The following MAST4 variants were observed in gnomAD, a reference collection of about 807,000 sequenced individuals.
MAST4 encodes the protein microtubule associated serine/threonine kinase family member 4.
MAST4 carries 89 observed loss-of-function variants against 162.7 expected under a neutral mutation model. The ratio of observed to expected loss-of-function variants is 0.55; its 90% CI spans 0.46 to 0.65. The LOEUF (loss-of-function observed/expected upper bound fraction) is 0.65, where lower values mean the gene tolerates loss of function less well. Among genes scored for constraint, MAST4 ranks in the 30% least tolerant of loss-of-function variants. The probability of loss-of-function intolerance (pLI) is 0.00; values close to 1 mark genes in which losing one functional copy is unlikely to be tolerated. For missense variants in MAST4, 3,153 were observed against 3,374.0 expected (o/e 0.93, Z 1.62); for synonymous variants, 1,479 against 1,361.1 (o/e 1.09, Z -1.91).
At chr5:67,140,829 C>T (rs141478797) in intron 19 of MAST4, among the ~76,000 whole-genome samples, 2 of 152,304 alleles carry the variant, frequency 1.3e-5, no homozygotes, top group Middle Eastern at 3.4e-3. Context: ...AGTCAGACTT[C>T]AGTATTTTGC....
chr5:66,860,552 A>G (rs956634298), intron 3 of MAST4, among the ~76,000 whole-genome samples: 1 of 151,970 alleles, frequency 6.6e-6, no homozygotes, highest in Non-Finnish European at 1.5e-5. Flanking sequence ...TGTTTCTTTA[A>G]CTATCTTTCA....
chr5:66,637,005 A>G (rs571175343), intron 1 of MAST4, among the ~76,000 whole-genome samples: 13 of 152,372 alleles, frequency 8.5e-5, no homozygotes, highest in Non-Finnish European at 1.5e-5. Flanking sequence ...AATGACCTGG[A>G]GATAATGCCA....
chr5:66,658,133 A>G (rs1746670636), intron 1 of MAST4, among the ~76,000 whole-genome samples: 1 of 152,226 alleles, frequency 6.6e-6, no homozygotes, highest in Non-Finnish European at 1.5e-5. Flanking sequence ...ATTAAGTGGA[A>G]TATATCCAGC....
In MAST4 at chr5:67,034,608, G is replaced by A. The variant is rs552884551; in HGVS notation, c.675-19796G>A. ...GACTGCGAGCTTTAAGCTTTAACCA[G>A]TGACAGTGTGACTCTAGTTAGATTT... On this transcript the variant is annotated intron_variant, in intron 4 of 28. Transcript: ENST00000403625. 3.9e-5 allele frequency among the ~76,000 whole-genome samples: 6 copies of A among 152,304 alleles called. No individual in the cohort carries two copies. In the East Asian group the frequency reaches 9.6e-4, roughly 24 times the overall value.
chr5:67,125,602 A>C (rs1387124629), intron 14 of MAST4, among the ~76,000 whole-genome samples: 1 of 152,322 alleles, frequency 6.6e-6, no homozygotes, highest in Non-Finnish European at 1.5e-5. Context: ...ATATGGCTAC[A>C]TAGTATTCCA....
intron 3 of MAST4, among the ~76,000 whole-genome samples, chr5:66,887,108 T>G (rs572956545): frequency 6.6e-6 from 1 of 152,358 alleles, no homozygotes; most frequent in South Asian, 2.1e-4. Context: ...AAATATTTTG[T>G]GCTAATTAAC....
intron 3 of MAST4, among the ~76,000 whole-genome samples, chr5:66,820,931 G>A (rs891160952): frequency 6.6e-5 from 10 of 152,156 alleles, no homozygotes; most frequent in South Asian, 4.1e-4. Context: ...TAGCTTTCTT[G>A]TGAAAAGCCT....
rs375883484 is a variant in MAST4, at chr5:66,707,073, A to G, written c.364-52636A>G. On this transcript the variant is annotated intron_variant, in intron 1 of 28. Coordinates refer to ENST00000403625, the MANE Select transcript of MAST4 (RefSeq NM_001164664.2). ...TGTGGGGCTCTGTCTTCTGTCCCTT[A>G]ACCTGCTTTCCTGCAGAGAGGCCCT... 2.8e-3 allele frequency among the ~76,000 whole-genome samples: 433 copies of G among 152,204 alleles called. 2 individuals carry two copies. Among genetic ancestry groups the G allele is most frequent in the African/African-American group, 9.9e-3 (413 of 41,510 alleles).
intron 1 of MAST4, among the ~76,000 whole-genome samples, chr5:66,683,150 A>C (rs1391378873): frequency 6.6e-6 from 1 of 152,184 alleles, no homozygotes; most frequent in Non-Finnish European, 1.5e-5. Flanking sequence ...CCAAAGCATA[A>C]GCTCCTGTTA....
At chr5:66,949,099 T>C (rs1024485543) in intron 4 of MAST4, among the ~76,000 whole-genome samples, 4 of 152,166 alleles carry the variant, frequency 2.6e-5, no homozygotes, top group African/African-American at 9.7e-5. Context: ...ATGAATACAT[T>C]ACCTGGAAAA....
intron 1 of MAST4, among the ~76,000 whole-genome samples, chr5:66,625,089 A>G (rs559799969): frequency 1.6e-4 from 25 of 152,342 alleles, no homozygotes; most frequent in Middle Eastern, 3.4e-3. Flanking sequence ...TACAAAAAAC[A>G]TTAACTATTT....
At chr5:66,906,568 C>G (rs154618) in intron 4 of MAST4, among the ~76,000 whole-genome samples, 54,717 of 151,970 alleles carry the variant, frequency 0.36, 10,668 homozygotes, top group Non-Finnish European at 0.45. Flanking sequence ...GTCAAACATT[C>G]CAGTATTAGA....
At chr5:66,721,161 A>T (rs1751185221) in intron 1 of MAST4, among the ~76,000 whole-genome samples, 1 of 152,048 alleles carries the variant, frequency 6.6e-6, no homozygotes, top group Non-Finnish European at 1.5e-5. Flanking sequence ...TCATTGTTTC[A>T]TCTTCCATTA....
chr5:66,780,555 G>A (rs575215182), intron 2 of MAST4, among the ~76,000 whole-genome samples: 2 of 152,324 alleles, frequency 1.3e-5, no homozygotes, highest in African/African-American at 4.8e-5. Flanking sequence ...GACCCAAAGA[G>A]TGAGCAGCAG....
Position 66,758,921 on chromosome 5 carries a change from CAT to C in MAST4, c.364-785_364-784del, listed in dbSNP as rs149974324. ...TTGTCCTTTGCAGCTGTCTTAGACA[CAT>C]ATTCATATGTACTTACTTGAAGGTG... On this transcript the variant is annotated intron_variant, in intron 1 of 28. Coordinates refer to ENST00000403625, the MANE Select transcript of MAST4 (RefSeq NM_001164664.2). Among the ~76,000 whole-genome samples the C allele has an allele frequency of 0.012, 1,787 of 152,250 alleles. 94 individuals carry two copies. In the East Asian group the frequency reaches 0.17, roughly 14 times the overall value.
intron 1 of MAST4, among the ~76,000 whole-genome samples, chr5:66,684,550 G>A (rs2149488471): frequency 6.6e-6 from 1 of 152,286 alleles, no homozygotes; most frequent in East Asian, 1.9e-4. Context: ...GTGAATGTGG[G>A]TAGTAGGTGC....
rs181484577 is a variant in MAST4 at position 66,718,368 on chromosome 5, G to A, written c.364-41341G>A. On this transcript the variant is annotated intron_variant, in intron 1 of 28. Coordinates refer to ENST00000403625, the MANE Select transcript of MAST4 (RefSeq NM_001164664.2). ...AGACACACGGCTTCTTCTACATGCT[G>A]GCATTTTTGTATGGTGAAGTCTCTT... 1.1e-4 allele frequency among the ~76,000 whole-genome samples: 17 copies of A among 151,962 alleles called. No individual in the cohort carries two copies. In the East Asian group the frequency reaches 3.3e-3, roughly 29 times the overall value.
At chr5:67,150,114 G>A (rs1771612997) in intron 24 of MAST4, among the ~76,000 whole-genome samples, 1 of 152,204 alleles carries the variant, frequency 6.6e-6, no homozygotes, top group Non-Finnish European at 1.5e-5. Flanking sequence ...GTTGAGCTAT[G>A]CTTCCTCCTA....
chr5:67,151,743 CCTTTTTTTTTTTCTT>C (rs1203427527), intron 24 of MAST4, among the ~76,000 whole-genome samples: 1 of 146,400 alleles, frequency 6.8e-6, no homozygotes, highest in Non-Finnish European at 1.5e-5. Flanking sequence ...AAAATTCTTT[CCTTTTTTTTTTTCTT>C]CTTTTTTTCT....
Sources: gnomAD v4.1 joint callset for allele counts (sites outside exome capture counted in the v4.1 genomes callset) on GRCh38, gnomAD v4.1.1 for gene constraint, MANE v1.5 for transcripts, NCBI Gene and HGNC (gene_info 2026-07-23, HGNC 2026-07-21) for gene names.